Variants in TBX6 observed in about 807,000 individuals in gnomAD.
TBX6 encodes T-box transcription factor TBX6.
In TBX6, 29 loss-of-function variants were observed where a neutral mutation model predicts 42.3. That is an observed-to-expected ratio of 0.69 (90% CI 0.51 to 0.93). TBX6 has a LOEUF of 0.93. Ranked by LOEUF, TBX6 falls within the 40% of genes least tolerant of loss-of-function variation. The pLI is 0.00. For synonymous variants in TBX6, 249 were observed against 245.1 expected (o/e 1.02, Z -0.15); for missense variants, 569 against 603.3 (o/e 0.94, Z 0.59).
intron 1 of TBX6, 31 bp from the exon 2 acceptor site, chr16:30,091,272 TCAGCCCCTTCCAGATCCAGGATCA>T (rs2072720576): frequency 1.7e-6 from 2 of 1,167,276 alleles, no homozygotes; most frequent in Non-Finnish European, 2.4e-6. Flanking sequence ...AGCTCACAGC[TCAGCCCCTTCCAGATCCAGGATCA>T]CAGCCCCTCC....
At chr16:30,090,323 G>A (rs565309044) in intron 3 of TBX6, among the ~76,000 whole-genome samples, 2 of 152,074 alleles carry the variant, frequency 1.3e-5, no homozygotes, top group Non-Finnish European at 2.9e-5. Context: ...CTGCCTCTAG[G>A]GTGACCCTGG....
rs2072711176 is a variant in TBX6, at chr16:30,090,879, C to T, written c.232G>A (p.Ala78Thr). The change falls in exon 3 of 9, where the codon GCC becomes ACC. Residue 78 changes from alanine (A) to threonine (T), a missense_variant. Ala to Thr is a moderately conservative substitution (Grantham distance 58). Around this residue, in one of 3 missense-constraint regions of TBX6, gnomAD observed 134 missense variants for 125.3 expected, o/e 1.07. Coordinates refer to ENST00000395224, the MANE Select transcript of TBX6 (RefSeq NM_004608.4). ...TGGAGGGCCTCTGGAGCTGATGGGGCCGGCTCAGTGCCCATGGCAGGGGGC... is the reference window on the plus strand; with the variant it reads ...TGGAGGGCCTCTGGAGCTGATGGGGTCGGCTCAGTGCCCATGGCAGGGGGC... Reference protein sequence around the residue: ...LLPPAMGTEPAPSAPEALHSL... With the variant: ...LLPPAMGTEPTPSAPEALHSL... The T allele has an allele frequency of 1.9e-6, 3 of 1,608,950 alleles. No homozygotes were observed. Among genetic ancestry groups the T allele is most frequent in the Non-Finnish European group, 1.7e-6 (2 of 1,177,178 alleles).
rs2072621911 is a variant in TBX6 at position 30,086,097 on chromosome 16, G to A, written c.*128C>T. The A allele has an allele frequency of 3.5e-6, 3 of 868,682 alleles. No individual in the cohort carries two copies. The South Asian group carries it at 5.0e-5, about 14-fold the overall frequency. The allele number at this position is 868,682 out of a possible 1,614,324, so 53.8% of individuals were successfully genotyped here. On this transcript the variant is annotated 3_prime_UTR_variant, in exon 9 of 9. Coordinates refer to ENST00000395224, the MANE Select transcript of TBX6 (RefSeq NM_004608.4). The surrounding 1 kb of genome is among the most constrained non-coding windows in gnomAD (Gnocchi z 4.6). Reference sequence around the variant, plus strand: ...AGTGAAATCAAGGTGTGAAGTTGAGGGGGTGGGTGGGCAGGCCCAAGGCGG... The same window carrying A: ...AGTGAAATCAAGGTGTGAAGTTGAGAGGGTGGGTGGGCAGGCCCAAGGCGG...
Position 30,086,406 on chromosome 16 carries a change from C to T in TBX6, c.1130G>A (p.Gly377Glu). The T allele has an allele frequency of 6.5e-7, 1 of 1,547,706 alleles. No homozygotes were observed. Among genetic ancestry groups the T allele is most frequent in the Admixed American group, 2.4e-5 (1 of 42,130 alleles). ...SPSFPEAPDS[G>E]RSAPYSAAFL... ...TGCAGCCGAGTAGGGGGCTGAGCGC[C>T]CGGAGTCTGGAGCCTCCGGGAAGCT... Residue 377 changes from glycine (G) to glutamate (E), a missense_variant, in exon 9 of 9, where the codon GGG becomes GAG. Physicochemically the swap from Gly to Glu is moderately conservative, Grantham distance 98 (BLOSUM62 -2). Around this residue, in one of 3 missense-constraint regions of TBX6, gnomAD observed 245 missense variants for 227.4 expected, o/e 1.08. Transcript: ENST00000395224. This position sits in a 1 kb window ranked among gnomAD's most constrained non-coding sequence, Gnocchi z 4.6.
chr16:30,091,581 G>T, intron 1 of TBX6: 1 of 196,490 alleles, frequency 5.1e-6, no homozygotes, highest in East Asian at 1.5e-4. Flanking sequence ...GCTGGGGGGC[G>T]GGGCCTGGAA....
In TBX6 at chr16:30,086,966, A is replaced by T; in HGVS notation, c.840-115T>A. 1 of 1,154,946 alleles carries T rather than the reference A, an allele frequency of 8.7e-7. No individual in the cohort carries two copies. 71.5% of individuals were successfully genotyped at this position (1,154,946 alleles called of 1,614,324 possible). On this transcript the variant is annotated intron_variant, in intron 6 of 8. Coordinates refer to ENST00000395224, the MANE Select transcript of TBX6 (RefSeq NM_004608.4). This position sits in a 1 kb window ranked among gnomAD's most constrained non-coding sequence, Gnocchi z 4.6. ...CCAGGGACCCTGTCAGGTAGGGGCCATCATTATACCCATTTTATAGATGAA... is the reference window on the plus strand; with the variant it reads ...CCAGGGACCCTGTCAGGTAGGGGCCTTCATTATACCCATTTTATAGATGAA...
intron 3 of TBX6, among the ~76,000 whole-genome samples, chr16:30,090,065 G>C (rs1027634548): frequency 3.9e-5 from 6 of 152,026 alleles, no homozygotes; most frequent in African/African-American, 1.4e-4. Context: ...GTTAGGAACA[G>C]AGCCATGACT....
chr16:30,089,223 G>C lies in TBX6; in HGVS notation c.354-13C>G. ...AGGGAACATGCGCCTGTGCAAGGGA[G>C]GGGACAGGAGAGGCCTGGAGCTACC... On this transcript the variant is annotated splice_polypyrimidine_tract_variant and intron_variant, in intron 3 of 8. Coordinates refer to ENST00000395224, the MANE Select transcript of TBX6 (RefSeq NM_004608.4). 1 of 1,607,662 alleles carries C rather than the reference G, an allele frequency of 6.2e-7. No individual in the cohort carries two copies. The highest frequency in any genetic ancestry group is 8.5e-7 in the Non-Finnish European group (1 of 1,175,512).
intron 3 of TBX6, among the ~76,000 whole-genome samples, chr16:30,090,230 T>C (rs1188984773): frequency 6.6e-6 from 1 of 152,132 alleles, no homozygotes; most frequent in African/African-American, 2.4e-5. Context: ...CTGCCTGCAG[T>C]AGGGCCGAGG....
rs752359673 is a variant in TBX6, at chr16:30,086,287, A to G, written c.1249T>C (p.Phe417Leu). ...CCAGGCGCGGTGTATGGTAGAGGGA[A>G]GGGGCCCCCTTGGAGAAAGTGCGGG... is the stretch of plus-strand genomic sequence containing the variant. ...FAPHFLQGGP[F>L]PLPYTAPGGY... The change falls in exon 9 of 9, where the codon TTC becomes CTC. Residue 417 changes from phenylalanine (F) to leucine (L), a missense_variant. This residue lies in a region of TBX6 where 245 missense variants were observed against 227.4 expected (regional missense o/e 1.08). Transcript: ENST00000395224. This position sits in a 1 kb window ranked among gnomAD's most constrained non-coding sequence, Gnocchi z 4.6. The G allele has an allele frequency of 1.2e-6, 2 of 1,611,994 alleles. No individual in the cohort carries two copies. Among genetic ancestry groups the G allele is most frequent in the Non-Finnish European group, 8.5e-7 (1 of 1,179,524 alleles).
rs527871400 is a variant in TBX6 at position 30,088,372 on chromosome 16, T to G, written c.839+173A>C. On this transcript the variant is annotated intron_variant, in intron 6 of 8. Transcript: ENST00000395224. The surrounding 1 kb of genome is among the most constrained non-coding windows in gnomAD (Gnocchi z 4.1). ...TTTGCTTTGTTTGTTTTATCTCCAG[T>G]GCCTGGAACTGTCCCTGGCACATAG... is the stretch of plus-strand genomic sequence containing the variant. 4 of 904,140 alleles carry G rather than the reference T, an allele frequency of 4.4e-6. No individual in the cohort carries two copies. Among genetic ancestry groups the G allele is most frequent in the Non-Finnish European group, 6.8e-6 (4 of 586,648 alleles). 56.0% of individuals were successfully genotyped at this position (904,140 alleles called of 1,614,324 possible).
chr16:30,089,231 G>C lies in TBX6; in HGVS notation c.354-21C>G, dbSNP rs376943247. The C allele has an allele frequency of 3.1e-6, 5 of 1,600,262 alleles. No homozygotes were observed. The African/African-American group carries it at 5.4e-5, about 17-fold the overall frequency. On this transcript the variant is annotated intron_variant, in intron 3 of 8. Coordinates refer to ENST00000395224, the MANE Select transcript of TBX6 (RefSeq NM_004608.4). ...TGCGCCTGTGCAAGGGAGGGGACAG[G>C]AGAGGCCTGGAGCTACCCACTGGCC...
intron 3 of TBX6, among the ~76,000 whole-genome samples, chr16:30,089,887 C>T (rs1394199716): frequency 3.7e-5 from 5 of 136,946 alleles, no homozygotes; most frequent in South Asian, 2.4e-4. Flanking sequence ...CTGACGAGAT[C>T]GTGCCACTAC....
Position 30,085,960 on chromosome 16 carries a change from G to A in TBX6, c.*265C>T. 2.1e-6 allele frequency: 1 copy of A among 479,176 alleles called. No homozygotes were observed. Among genetic ancestry groups the A allele is most frequent in the Non-Finnish European group, 3.7e-6 (1 of 270,876 alleles). 29.7% of individuals were successfully genotyped at this position (479,176 alleles called of 1,614,324 possible). A position where few individuals can be genotyped will look rare whatever the true frequency, so the allele number is the denominator to read the frequency against. On this transcript the variant is annotated 3_prime_UTR_variant, in exon 9 of 9. Transcript: ENST00000395224. Reference sequence around the variant, plus strand: ...GGGATGCTGGTCTGTGGCCCCATTTGGCCAGGCAGAGCCCCTTCCATTCAC... The same window carrying A: ...GGGATGCTGGTCTGTGGCCCCATTTAGCCAGGCAGAGCCCCTTCCATTCAC...
Position 30,086,101 on chromosome 16 carries a change from TGGGTGGGCA to T in TBX6, c.*115_*123del. On this transcript the variant is annotated 3_prime_UTR_variant, in exon 9 of 9. Transcript: ENST00000395224. The surrounding 1 kb of genome is among the most constrained non-coding windows in gnomAD (Gnocchi z 4.6). ...AAATCAAGGTGTGAAGTTGAGGGGG[TGGGTGGGCA>T]GGCCCAAGGCGGCCATTTGGTGTGG... The T allele has an allele frequency of 3.0e-6, 2 of 670,844 alleles. No individual in the cohort carries two copies. Among genetic ancestry groups the T allele is most frequent in the South Asian group, 4.7e-5 (2 of 42,634 alleles). 41.6% of individuals were successfully genotyped at this position (670,844 alleles called of 1,614,324 possible).
Position 30,091,135 on chromosome 16 carries a change from G to C in TBX6, c.59C>G (p.Ala20Gly), listed in dbSNP as rs1272771636. Reference protein sequence around the residue: ...SLGAGYRLGPAQPGADSSFPP... With the variant: ...SLGAGYRLGPGQPGADSSFPP... ...GAAGCTGGAGTCGGCCCCAGGTTGG[G>C]CGGGCCCCAGGCGGTAGCCGGCCCC... Residue 20 changes from alanine to glycine, a missense_variant, in exon 2 of 9, where the codon GCC becomes GGC. Ala to Gly is a moderately conservative substitution (Grantham distance 60). Transcript: ENST00000395224. 1 of 1,593,556 alleles carries C rather than the reference G, an allele frequency of 6.3e-7. No individual in the cohort carries two copies. Among genetic ancestry groups the C allele is most frequent in the African/African-American group, 1.3e-5 (1 of 74,904 alleles).
In TBX6 at chr16:30,086,650, C is replaced by T. The variant is rs748053331; in HGVS notation, c.959G>A (p.Arg320His). ...PCDSTLGGDI[R>H]ESDPEQAPAP... Reference sequence around the variant, plus strand: ...TGGGGCCTGTTCTGGATCTGATTCACGAATGTCTCCACCCAGGGTGGAGTC... The same window carrying T: ...TGGGGCCTGTTCTGGATCTGATTCATGAATGTCTCCACCCAGGGTGGAGTC... The change falls in exon 8 of 9, where the codon CGT becomes CAT. Residue 320 changes from arginine (R) to histidine (H), a missense_variant. Arg to His is a conservative substitution (Grantham distance 29). Around this residue, in one of 3 missense-constraint regions of TBX6, gnomAD observed 245 missense variants for 227.4 expected, o/e 1.08. Coordinates refer to ENST00000395224, the MANE Select transcript of TBX6 (RefSeq NM_004608.4). This position sits in a 1 kb window ranked among gnomAD's most constrained non-coding sequence, Gnocchi z 4.6. 10 of 1,608,596 alleles carry T rather than the reference C, an allele frequency of 6.2e-6. No individual in the cohort carries two copies. The East Asian group carries it at 6.7e-5, about 11-fold the overall frequency.
chr16:30,086,441 G>T lies in TBX6; in HGVS notation c.1098-3C>A. Reference sequence around the variant, plus strand: ...GAGCCTCCGGGAAGCTGGGGCTCCTGACATGGAGAGAGGGATGTCAGAGCA... The same window carrying T: ...GAGCCTCCGGGAAGCTGGGGCTCCTTACATGGAGAGAGGGATGTCAGAGCA... On this transcript the variant is annotated splice_polypyrimidine_tract_variant and splice_region_variant and intron_variant, in intron 8 of 8. Transcript: ENST00000395224. The surrounding 1 kb of genome is among the most constrained non-coding windows in gnomAD (Gnocchi z 4.6). The T allele has an allele frequency of 1.3e-6, 2 of 1,506,766 alleles. No individual in the cohort carries two copies. The highest frequency in any genetic ancestry group is 2.7e-5 in the Admixed American group (1 of 37,650). 93.3% of individuals were successfully genotyped at this position (1,506,766 alleles called of 1,614,324 possible). A position where few individuals can be genotyped will look rare whatever the true frequency, so the allele number is the denominator to read the frequency against.
In TBX6 at chr16:30,088,688, C is replaced by G. The variant is rs1408112923; in HGVS notation, c.768+5G>C. The G allele has an allele frequency of 6.2e-7, 1 of 1,614,108 alleles. No individual in the cohort carries two copies. Among genetic ancestry groups the G allele is most frequent in the African/African-American group, 1.3e-5 (1 of 75,024 alleles). ...GCCACCACCCCCTCAAGCAGGGTCA[C>G]TCACCTGTGGGTTCTGGTAGGCTGT... On this transcript the variant is annotated splice_donor_5th_base_variant and intron_variant, in intron 5 of 8. Transcript: ENST00000395224. The surrounding 1 kb of genome is among the most constrained non-coding windows in gnomAD (Gnocchi z 4.1).
Sources: gnomAD v4.1 joint callset for allele counts (sites outside exome capture counted in the v4.1 genomes callset) on GRCh38, gnomAD v4.1.1 for gene constraint, gnomAD v4.1.1 regional missense constraint, Gnocchi (gnomAD v3.1) non-coding constraint, MANE v1.5 for transcripts, NCBI Gene and HGNC (gene_info 2026-07-23, HGNC 2026-07-21) for gene names.